ABLIM2: variants seen among roughly 807,000 people sequenced by gnomAD.
ABLIM2 encodes the protein actin binding LIM protein family member 2.
In ABLIM2, 53 loss-of-function variants were observed where a neutral mutation model predicts 97.7. The observed-to-expected ratio is 0.54, with a 90% CI of 0.44 to 0.68. The LOEUF (loss-of-function observed/expected upper bound fraction) is 0.68, where lower values mean the gene tolerates loss of function less well. ABLIM2 is among the 30% of genes least tolerant of loss of function. The probability of loss-of-function intolerance (pLI) is 0.00; values close to 1 mark genes in which losing one functional copy is unlikely to be tolerated. For synonymous variants in ABLIM2, 361 were observed against 345.8 expected, an observed-to-expected ratio of 1.04 and a Z score of -0.49; for missense variants, 835 against 867.2, an observed-to-expected ratio of 0.96 and a Z score of 0.47.
intron 8 of ABLIM2, among the ~76,000 whole-genome samples, chr4:8,052,439 G>T (rs1289894422): frequency 6.6e-6 from 1 of 152,226 alleles, no homozygotes; most frequent in African/African-American, 2.4e-5. Flanking sequence ...CTATTTGAGA[G>T]GACAACAAAA....
At chr4:8,045,035 G>A (rs7690495) in intron 9 of ABLIM2, 129 bp downstream of exon 9, 205,283 of 794,806 alleles carry the variant, frequency 0.26, 29,356 homozygotes, top group African/African-American at 0.41. Flanking sequence ...CAAGAGCAAT[G>A]GCCGTACCTC....
At chr4:7,981,133 T>C (rs1378012251) in intron 20 of ABLIM2, among the ~76,000 whole-genome samples, 1 of 151,622 alleles carries the variant, frequency 6.6e-6, no homozygotes, top group African/African-American at 2.4e-5. Context: ...TTAGTAGAGA[T>C]GGGGTTTCAC....
Position 8,005,282 on chromosome 4 carries a change from C to T in ABLIM2, c.1618+2777G>A, listed in dbSNP as rs767135884. On this transcript the variant is annotated intron_variant, in intron 16 of 20. Transcript: ENST00000447017. The surrounding 1 kb of genome is among the most constrained non-coding windows in gnomAD (Gnocchi z 4.9). ...CTCTTGTCTTCTCTGTCCCCCTCGG[C>T]GCCCCGCTCAGCGTCTGGCACAGAG... 4.2e-5 allele frequency: 22 copies of T among 524,956 alleles called. No individual in the cohort carries two copies. Among genetic ancestry groups the T allele is most frequent in the Admixed American group, 2.1e-4 (11 of 51,508 alleles). 32.5% of individuals were successfully genotyped at this position (524,956 alleles called of 1,614,324 possible). A position where few individuals can be genotyped will look rare whatever the true frequency, so the allele number is the denominator to read the frequency against.
chr4:8,010,262 C>T (rs1764069403), intron 14 of ABLIM2, among the ~76,000 whole-genome samples: 1 of 152,208 alleles, frequency 6.6e-6, no homozygotes, highest in Non-Finnish European at 1.5e-5. Flanking sequence ...CAAGGCCATG[C>T]TGACATTTCT....
rs773744076 is a variant in ABLIM2, at chr4:8,005,325, C to T, written c.1618+2734G>A. ...GCACAGAGTGGGTGCTCAATAAATACCCGTTGAATGTAACGCATTTCAATT... is the reference window on the plus strand; with the variant it reads ...GCACAGAGTGGGTGCTCAATAAATATCCGTTGAATGTAACGCATTTCAATT... On this transcript the variant is annotated intron_variant, in intron 16 of 20. Transcript: ENST00000447017. This position sits in a 1 kb window ranked among gnomAD's most constrained non-coding sequence, Gnocchi z 4.9. The T allele has an allele frequency of 3.8e-6, 2 of 533,046 alleles. No individual in the cohort carries two copies. The highest frequency in any genetic ancestry group is 5.5e-5 in the East Asian group (1 of 18,340). 33.0% of individuals were successfully genotyped at this position (533,046 alleles called of 1,614,324 possible). A position where few individuals can be genotyped will look rare whatever the true frequency, so the allele number is the denominator to read the frequency against.
chr4:8,023,616 G>A lies in ABLIM2; in HGVS notation c.1268-3313C>T, dbSNP rs59046557. Among the ~76,000 whole-genome samples the A allele has an allele frequency of 0.24, 36,229 of 151,976 alleles. 4,762 individuals are homozygous for A. Among genetic ancestry groups the A allele is most frequent in the African/African-American group, 0.35 (14,454 of 41,424 alleles). Reference sequence around the variant, plus strand: ...TTGCTCCTTCTCTCCCCTCCCACATGGCGCTCTCGGGAAGGAGCCACTCTG... The same window carrying A: ...TTGCTCCTTCTCTCCCCTCCCACATAGCGCTCTCGGGAAGGAGCCACTCTG... On this transcript the variant is annotated intron_variant, in intron 12 of 20. Coordinates refer to ENST00000447017, the MANE Select transcript of ABLIM2 (RefSeq NM_001130083.2). This position sits in a 1 kb window ranked among gnomAD's most constrained non-coding sequence, Gnocchi z 5.7.
At position 8,046,605 on chromosome 4, in the gene ABLIM2, C is replaced by T. The variant is rs2151798997; in HGVS notation, c.823-1364G>A. Reference sequence around the variant, plus strand: ...TTTTCTGAGTAGACCCTTTTCTTGCCACCCCCAACAATTCTGTCCTGCCCA... The same window carrying T: ...TTTTCTGAGTAGACCCTTTTCTTGCTACCCCCAACAATTCTGTCCTGCCCA... On this transcript the variant is annotated intron_variant, in intron 8 of 20. Transcript: ENST00000447017. This position sits in a 1 kb window ranked among gnomAD's most constrained non-coding sequence, Gnocchi z 4.4. Among the ~76,000 whole-genome samples, 1 of 152,130 alleles carries T rather than the reference C, an allele frequency of 6.6e-6. No individual in the cohort carries two copies. The highest frequency in any genetic ancestry group is 1.9e-4 in the East Asian group (1 of 5,174).
chr4:8,035,757 G>A (rs1033075839), intron 10 of ABLIM2, among the ~76,000 whole-genome samples: 1 of 152,232 alleles, frequency 6.6e-6, no homozygotes, highest in East Asian at 1.9e-4. Flanking sequence ...CCATGGCAGC[G>A]AGGGTGGCAC....
chr4:8,126,316 T>A (rs948798505), intron 1 of ABLIM2, among the ~76,000 whole-genome samples: 11 of 151,946 alleles, frequency 7.2e-5, no homozygotes, highest in Admixed American at 7.2e-4. Flanking sequence ...TGGGGAACAT[T>A]TCAGGGGGAG....
At chr4:8,039,703 T>A (rs1560860567) in intron 9 of ABLIM2, among the ~76,000 whole-genome samples, 2 of 152,232 alleles carry the variant, frequency 1.3e-5, no homozygotes. Flanking sequence ...TACTCTGCAC[T>A]ATTGCCATGT....
intron 1 of ABLIM2, among the ~76,000 whole-genome samples, chr4:8,109,099 C>T (rs544307210): frequency 1.8e-4 from 27 of 152,246 alleles, no homozygotes; most frequent in Non-Finnish European, 2.9e-4. Context: ...AGGGAGGCCG[C>T]GGCACTGGCC....
chr4:8,030,910 GT>G (rs1449182433), intron 10 of ABLIM2, among the ~76,000 whole-genome samples: 1 of 152,194 alleles, frequency 6.6e-6, no homozygotes, highest in Non-Finnish European at 1.5e-5. Context: ...GGTGGGCCAT[GT>G]TCTTCCAGCA....
chr4:7,979,455 CA>C (rs1736274276), intron 20 of ABLIM2, among the ~76,000 whole-genome samples: 1 of 152,204 alleles, frequency 6.6e-6, no homozygotes, highest in African/African-American at 2.4e-5. Context: ...AGTTGCTGTT[CA>C]AAATCTAAGC....
chr4:8,010,402 G>A, intron 14 of ABLIM2: 1 of 985,916 alleles, frequency 1.0e-6, no homozygotes, highest in South Asian at 4.7e-5. Flanking sequence ...CAGGCCTCAG[G>A]AAGGACACGC....
intron 6 of ABLIM2, among the ~76,000 whole-genome samples, chr4:8,066,305 CAA>C (rs760606194): frequency 4.6e-5 from 2 of 43,800 alleles, no homozygotes; most frequent in East Asian, 6.2e-4. Context: ...GACTATGTCT[CAA>C]AAAAAAAAAA....
Position 8,087,489 on chromosome 4 carries a change from A to G in ABLIM2, c.454+680T>C, listed in dbSNP as rs1219412245. Reference sequence around the variant, plus strand: ...TCCTGGGAGGTGGAGCAGTGAACCCAAGGGCCCCTGACTGCGGGAGCCCGG... The same window carrying G: ...TCCTGGGAGGTGGAGCAGTGAACCCGAGGGCCCCTGACTGCGGGAGCCCGG... On this transcript the variant is annotated intron_variant, in intron 4 of 20. Transcript: ENST00000447017. The surrounding 1 kb of genome is among the most constrained non-coding windows in gnomAD (Gnocchi z 4.6). Among the ~76,000 whole-genome samples the G allele has an allele frequency of 6.6e-6, 1 of 152,106 alleles. No homozygotes were observed. Among genetic ancestry groups the G allele is most frequent in the African/African-American group, 2.4e-5 (1 of 41,408 alleles).
Position 8,032,580 on chromosome 4 carries a change from G to C in ABLIM2, c.1048-2804C>G. ...AGGCCCTTCCCGGGAGTGCGGCTGG[G>C]TGGTTATGTTTATAACCCAGGCAGC... On this transcript the variant is annotated intron_variant, in intron 10 of 20. Coordinates refer to ENST00000447017, the MANE Select transcript of ABLIM2 (RefSeq NM_001130083.2). The surrounding 1 kb of genome is among the most constrained non-coding windows in gnomAD (Gnocchi z 4.3). The C allele has an allele frequency of 6.3e-7, 1 of 1,594,178 alleles. No homozygotes were observed. The highest frequency in any genetic ancestry group is 1.1e-5 in the South Asian group (1 of 90,562).
intron 16 of ABLIM2, among the ~76,000 whole-genome samples, chr4:8,000,957 A>C (rs1269514099): frequency 6.6e-6 from 1 of 152,150 alleles, no homozygotes; most frequent in African/African-American, 2.4e-5. Context: ...TGGGCAGAGG[A>C]CTGTGGCTCA....
chr4:8,105,276 C>CA (rs1238453896), intron 2 of ABLIM2, among the ~76,000 whole-genome samples: 1 of 152,198 alleles, frequency 6.6e-6, no homozygotes, highest in African/African-American at 2.4e-5. Flanking sequence ...GCATCCCCCC[C>CA]TACACACATA....
Sources: allele counts gnomAD v4.1 joint callset (sites outside exome capture counted in the v4.1 genomes callset), GRCh38; gene constraint gnomAD v4.1.1; non-coding constraint Gnocchi (gnomAD v3.1); transcripts MANE v1.5; gene names NCBI Gene and HGNC (gene_info 2026-07-23, HGNC 2026-07-21).